ANKRD44: variants seen among roughly 807,000 people sequenced by gnomAD.
ANKRD44 encodes the protein ankyrin repeat domain 44, also known as serine/threonine-protein phosphatase 6 regulatory ankyrin repeat subunit B.
In ANKRD44, 35 loss-of-function variants were observed where a neutral mutation model predicts 116.0. The ratio of observed to expected loss-of-function variants is 0.30; its 90% CI spans 0.23 to 0.40. ANKRD44 has a LOEUF of 0.40. Among genes scored for constraint, ANKRD44 ranks in the 10% least tolerant of loss-of-function variants. The probability of loss-of-function intolerance (pLI) is 1.00; values close to 1 mark genes in which losing one functional copy is unlikely to be tolerated. For missense variants in ANKRD44, 1,014 were observed against 1,242.6 expected (o/e 0.82, Z 2.77); for synonymous variants, 435 against 461.8 (o/e 0.94, Z 0.74).
intron 21 of ANKRD44, among the ~76,000 whole-genome samples, chr2:196,973,403 TATG>T (rs1480576258): frequency 6.6e-6 from 1 of 152,282 alleles, no homozygotes; most frequent in Admixed American, 6.5e-5. Flanking sequence ...TAACTTTGCT[TATG>T]ATGATATTAC....
intron 27 of ANKRD44, 142 bp downstream of exon 27, chr2:196,993,441 G>C: frequency 1.5e-6 from 1 of 672,934 alleles, no homozygotes; most frequent in Admixed American, 2.6e-5. Flanking sequence ...AGTTATCCTT[G>C]CTTGATTTCT....
intron 16 of ANKRD44, among the ~76,000 whole-genome samples, chr2:197,042,966 T>A (rs776239143): frequency 4.6e-5 from 7 of 152,218 alleles, no homozygotes; most frequent in Non-Finnish European, 8.8e-5. Flanking sequence ...TTTGCACCAA[T>A]GTGGGTGTGT....
At chr2:197,205,049 C>G (rs1406133487) in intron 1 of ANKRD44, among the ~76,000 whole-genome samples, 2 of 152,214 alleles carry the variant, frequency 1.3e-5, no homozygotes, top group African/African-American at 4.8e-5. Flanking sequence ...ACCAGGATTC[C>G]TGCTTTGGGT....
chr2:197,014,077 C>T (rs1040109151), intron 17 of ANKRD44, among the ~76,000 whole-genome samples: 2 of 152,328 alleles, frequency 1.3e-5, no homozygotes, highest in South Asian at 2.1e-4. Context: ...CAGTCCTAAA[C>T]ATATTGGCAT....
intron 16 of ANKRD44, among the ~76,000 whole-genome samples, chr2:197,070,711 T>G (rs1423296923): frequency 3.3e-5 from 5 of 152,116 alleles, no homozygotes; most frequent in Non-Finnish European, 2.9e-5. Context: ...TCTCTGTGTG[T>G]GTGTGTGTGT....
At chr2:197,181,830 A>G (rs2080514020) in intron 2 of ANKRD44, among the ~76,000 whole-genome samples, 1 of 152,254 alleles carries the variant, frequency 6.6e-6, no homozygotes, top group Admixed American at 6.5e-5. Flanking sequence ...ACCACATGAC[A>G]TAATGACAAG....
chr2:197,268,208 C>A lies in ANKRD44; in HGVS notation c.27+42370G>T, dbSNP rs183379279. ...AGCTGATCTATGAAGCCCTTCTATG[C>A]CCAGCTTCAGCACATGTGCCATGAA... is the stretch of plus-strand genomic sequence containing the variant. On this transcript the variant is annotated intron_variant, in intron 1 of 27. Transcript: ENST00000282272. Among the ~76,000 whole-genome samples, 473 of 152,322 alleles carry A rather than the reference C, an allele frequency of 3.1e-3. 4 individuals are homozygous for A. The highest frequency in any genetic ancestry group is 0.011 in the African/African-American group (451 of 41,556).
intron 1 of ANKRD44, among the ~76,000 whole-genome samples, chr2:197,262,169 T>C (rs1424826428): frequency 3.3e-5 from 5 of 152,142 alleles, no homozygotes; most frequent in Non-Finnish European, 7.3e-5. Context: ...CAGAGAGCAA[T>C]AAACAAAATC....
At chr2:197,044,639 G>A (rs374227745) in intron 16 of ANKRD44, among the ~76,000 whole-genome samples, 1 of 152,146 alleles carries the variant, frequency 6.6e-6, no homozygotes, top group Non-Finnish European at 1.5e-5. Context: ...GATTACAGGT[G>A]TGAGCCACCG....
intron 1 of ANKRD44, among the ~76,000 whole-genome samples, chr2:197,247,824 T>C (rs1233120367): frequency 2.6e-5 from 4 of 152,120 alleles, no homozygotes; most frequent in African/African-American, 9.7e-5. Context: ...TCTGTCATGA[T>C]AGAGGAAAGT....
intron 21 of ANKRD44, among the ~76,000 whole-genome samples, chr2:196,981,213 G>A (rs1206874516): frequency 6.6e-6 from 1 of 152,048 alleles, no homozygotes. Flanking sequence ...CCTCCCTCAT[G>A]TTTTCACTTT....
chr2:197,015,105 C>A, intron 17 of ANKRD44: 1 of 241,700 alleles, frequency 4.1e-6, no homozygotes, highest in African/African-American at 2.3e-5. Context: ...ATAAAAGACC[C>A]CCGAACAAAA....
intron 1 of ANKRD44, among the ~76,000 whole-genome samples, chr2:197,254,270 G>A (rs981199426): frequency 2.6e-5 from 4 of 152,054 alleles, no homozygotes; most frequent in Admixed American, 6.5e-5. Flanking sequence ...GTGGGTGCCT[G>A]TAATCCCAGC....
chr2:197,134,976 C>A (rs1283101131), intron 4 of ANKRD44: 1 of 152,108 alleles, frequency 6.6e-6, no homozygotes, highest in Non-Finnish European at 1.5e-5. Context: ...AATGTGGGAC[C>A]ATGAGAAGAT....
downstream of ANKRD44, among the ~76,000 whole-genome samples, chr2:196,982,004 T>A (rs1019451978): frequency 1.3e-5 from 2 of 150,358 alleles, no homozygotes; most frequent in Non-Finnish European, 3.0e-5. Context: ...TAGATCCTCC[T>A]CCTCCCCTTC....
At chr2:197,078,579 T>C in intron 16 of ANKRD44, 124 bp downstream of exon 16, 2 of 1,526,924 alleles carry the variant, frequency 1.3e-6, no homozygotes, top group Non-Finnish European at 1.8e-6. Flanking sequence ...CATGAAATCC[T>C]GATTCATGGA....
chr2:197,029,912 G>A lies in ANKRD44; in HGVS notation c.1651-4645C>T, dbSNP rs2076672008. On this transcript the variant is annotated intron_variant, in intron 16 of 27. Transcript: ENST00000282272. ...AGCATTGGTAAGGCTGAGGCAGCTG[G>A]GGCAGAGCAAGTGGCATATCATTTT... 5 of 200,808 alleles carry A rather than the reference G, an allele frequency of 2.5e-5. No individual in the cohort carries two copies. The South Asian group carries it at 4.3e-4, about 17-fold the overall frequency. 12.4% of individuals were successfully genotyped at this position (200,808 alleles called of 1,614,324 possible). A position where few individuals can be genotyped will look rare whatever the true frequency, so the allele number is the denominator to read the frequency against.
chr2:197,278,406 G>C (rs1439147003), intron 1 of ANKRD44, among the ~76,000 whole-genome samples: 5 of 152,056 alleles, frequency 3.3e-5, no homozygotes, highest in Admixed American at 1.3e-4. Flanking sequence ...GCCCAGGCTG[G>C]AGTGCAGTGG....
chr2:197,099,485 C>T (rs183502218), intron 10 of ANKRD44: 1 of 1,034,848 alleles, frequency 9.7e-7, no homozygotes, highest in South Asian at 3.4e-5. Flanking sequence ...TCTAAATTGG[C>T]TCAGTTAGGT....
Sources: gnomAD v4.1 joint callset for allele counts (sites outside exome capture counted in the v4.1 genomes callset) on GRCh38, gnomAD v4.1.1 for gene constraint, MANE v1.5 for transcripts, NCBI Gene and HGNC (gene_info 2026-07-23, HGNC 2026-07-21) for gene names.